The following CDKAL1 variants were observed in gnomAD, a reference collection of about 807,000 sequenced individuals.
CDKAL1 encodes the protein threonylcarbamoyladenosine tRNA methylthiotransferase.
A neutral mutation model predicts 68.2 loss-of-function variants in CDKAL1; 32 were observed. The ratio of observed to expected loss-of-function variants is 0.47; its 90% CI spans 0.35 to 0.63. The LOEUF (loss-of-function observed/expected upper bound fraction) is 0.63. CDKAL1 is among the 30% of genes least tolerant of loss of function. The probability of loss-of-function intolerance (pLI) is 0.00; values close to 1 mark genes in which losing one functional copy is unlikely to be tolerated. For missense variants in CDKAL1, 606 were observed against 696.7 expected (o/e 0.87, Z 1.47); for synonymous variants, 234 against 244.3 (o/e 0.96, Z 0.39).
chr6:21,037,756 A>G (rs557195913), intron 11 of CDKAL1, among the ~76,000 whole-genome samples: 15 of 152,348 alleles, frequency 9.8e-5, no homozygotes, highest in Admixed American at 9.2e-4. Flanking sequence ...ATTCAAACTG[A>G]TTCATTCTCC....
intron 10 of CDKAL1, among the ~76,000 whole-genome samples, chr6:20,964,592 A>G (rs542335320): frequency 7.2e-5 from 11 of 152,292 alleles, no homozygotes; most frequent in African/African-American, 2.6e-4. Context: ...GTGGGAGCTG[A>G]ATGGTGAGAA....
intron 13 of CDKAL1, among the ~76,000 whole-genome samples, chr6:21,131,276 T>C (rs181566774): frequency 6.6e-5 from 10 of 152,338 alleles, no homozygotes; most frequent in Non-Finnish European, 8.8e-5. Context: ...GTTGTAGATA[T>C]AAATATATTT....
At chr6:20,782,121 T>G (rs934727386) in intron 8 of CDKAL1, among the ~76,000 whole-genome samples, 9 of 152,224 alleles carry the variant, frequency 5.9e-5, no homozygotes, top group Admixed American at 5.2e-4. Flanking sequence ...TCCAATGGCT[T>G]TACTTCCTCC....
intron 7 of CDKAL1, among the ~76,000 whole-genome samples, chr6:20,770,498 T>C (rs1315961688): frequency 6.6e-6 from 1 of 152,168 alleles, no homozygotes; most frequent in Non-Finnish European, 1.5e-5. Context: ...CCACATGAGT[T>C]TTGCAGCTGT....
At chr6:21,116,075 C>G (rs766015295) in intron 13 of CDKAL1, among the ~76,000 whole-genome samples, 5 of 152,126 alleles carry the variant, frequency 3.3e-5, no homozygotes, top group Non-Finnish European at 5.9e-5. Context: ...ACAATTATAC[C>G]TATACATTTT....
intron 5 of CDKAL1, among the ~76,000 whole-genome samples, chr6:20,683,755 G>A (rs1770490853): frequency 1.3e-5 from 2 of 152,132 alleles, no homozygotes; most frequent in South Asian, 4.1e-4. Context: ...TTACATTAAA[G>A]TTGACTTTTG....
intron 13 of CDKAL1, among the ~76,000 whole-genome samples, chr6:21,190,921 C>T (rs571069644): frequency 3.9e-5 from 6 of 152,130 alleles, no homozygotes; most frequent in South Asian, 2.1e-4. Flanking sequence ...TCCAAAGCCA[C>T]GTCAGGCTTT....
intron 13 of CDKAL1, among the ~76,000 whole-genome samples, chr6:21,195,726 T>A (rs2151102747): frequency 6.6e-6 from 1 of 151,470 alleles, no homozygotes; most frequent in South Asian, 2.1e-4. Context: ...ACCCAGGCGG[T>A]CTCAAACTCC....
At chr6:20,853,386 CAAAACA>C (rs1759127597) in intron 9 of CDKAL1, among the ~76,000 whole-genome samples, 1 of 32,484 alleles carries the variant, frequency 3.1e-5, no homozygotes. Flanking sequence ...TCTCAAAAAA[CAAAACA>C]AAAAAAAAAC....
intron 13 of CDKAL1, among the ~76,000 whole-genome samples, chr6:21,118,451 A>C (rs143737221): frequency 6.6e-6 from 1 of 152,030 alleles, no homozygotes; most frequent in East Asian, 1.9e-4. Flanking sequence ...ATGATTACCA[A>C]CCTCCAACAC....
chr6:20,570,839 A>G (rs1764670877), intron 4 of CDKAL1, among the ~76,000 whole-genome samples: 1 of 152,258 alleles, frequency 6.6e-6, no homozygotes, highest in African/African-American at 2.4e-5. Context: ...ATTACAAAAA[A>G]AAGGGTAAAA....
At chr6:21,203,215 A>ATT (rs371165972) in intron 15 of CDKAL1, among the ~76,000 whole-genome samples, 693 of 47,120 alleles carry the variant, frequency 0.015, 181 homozygotes, top group Non-Finnish European at 0.018. Flanking sequence ...ATCCTGGCTA[A>ATT]TTTTTTTTTT....
chr6:20,906,088 C>G (rs1246079705), intron 9 of CDKAL1, among the ~76,000 whole-genome samples: 1 of 152,154 alleles, frequency 6.6e-6, no homozygotes, highest in East Asian at 1.9e-4. Flanking sequence ...TGTAACTCCA[C>G]TTTTTGTTTT....
intron 13 of CDKAL1, among the ~76,000 whole-genome samples, chr6:21,125,330 A>G (rs976172343): frequency 1.5e-4 from 23 of 152,244 alleles, no homozygotes; most frequent in Non-Finnish European, 1.5e-5. Flanking sequence ...TGCCATGATC[A>G]TAAGTTCCCT....
chr6:20,864,013 A>AG (rs1293582157), intron 9 of CDKAL1, among the ~76,000 whole-genome samples: 23 of 152,320 alleles, frequency 1.5e-4, no homozygotes, highest in Middle Eastern at 3.4e-3. Context: ...TAGTAAAAAA[A>AG]GGAGGAGAGG....
chr6:20,613,974 A>G (rs994209625), intron 4 of CDKAL1, among the ~76,000 whole-genome samples: 2 of 142,646 alleles, frequency 1.4e-5, no homozygotes, highest in African/African-American at 2.4e-5. Context: ...ACATAGTTCT[A>G]TGTATCATGA....
At chr6:21,081,191 T>C (rs543198555) in intron 12 of CDKAL1, among the ~76,000 whole-genome samples, 7 of 152,348 alleles carry the variant, frequency 4.6e-5, no homozygotes, top group African/African-American at 1.7e-4. Flanking sequence ...TTTTACGAAT[T>C]TGTAATTACC....
At chr6:20,914,297 A>G (rs1314640619) in intron 9 of CDKAL1, among the ~76,000 whole-genome samples, 1 of 152,200 alleles carries the variant, frequency 6.6e-6, no homozygotes, top group African/African-American at 2.4e-5. Context: ...CTCAAAAAAA[A>G]AGAAAAAATA....
chr6:21,148,264 G>A (rs1038170735), intron 13 of CDKAL1, among the ~76,000 whole-genome samples: 1 of 152,164 alleles, frequency 6.6e-6, no homozygotes, highest in Non-Finnish European at 1.5e-5. Context: ...AAGGGACTGT[G>A]ATCTGAGGAG....
Sources: gnomAD v4.1 joint callset for allele counts (sites outside exome capture counted in the v4.1 genomes callset) on GRCh38, gnomAD v4.1.1 for gene constraint, MANE v1.5 for transcripts, NCBI Gene and HGNC (gene_info 2026-07-23, HGNC 2026-07-21) for gene names.